The following SPAG16 variants were observed in gnomAD, a reference collection of about 807,000 sequenced individuals.
SPAG16 encodes sperm associated antigen 16.
SPAG16 carries 86 observed loss-of-function variants against 80.4 expected under a neutral mutation model. The ratio of observed to expected loss-of-function variants is 1.07; its 90% CI spans 0.90 to 1.28. SPAG16 has a LOEUF of 1.28. Ranked by LOEUF, SPAG16 falls within the 50% of genes most tolerant of loss-of-function variation. The pLI, the probability that SPAG16 is intolerant of heterozygous loss-of-function variation, is 0.00. For synonymous variants in SPAG16, 294 were observed against 265.9 expected, an observed-to-expected ratio of 1.11 and a Z score of -1.03; for missense variants, 870 against 765.3, an observed-to-expected ratio of 1.14 and a Z score of -1.61.
intron 10 of SPAG16, among the ~76,000 whole-genome samples, chr2:213,664,542 G>A (rs1447596214): frequency 2.6e-5 from 4 of 152,074 alleles, no homozygotes; most frequent in Non-Finnish European, 2.9e-5. Context: ...AGCTCTCTGA[G>A]TTTAAACAGA....
rs141804447 is a variant in SPAG16, at chr2:214,385,504, G to C, written c.1721-24636G>C. Among the ~76,000 whole-genome samples, 401 of 152,254 alleles carry C rather than the reference G, an allele frequency of 2.6e-3. 1 individual carries two copies. The highest frequency in any genetic ancestry group is 9.4e-3 in the African/African-American group (389 of 41,554). On this transcript the variant is annotated intron_variant, in intron 15 of 15. Transcript: ENST00000331683. The stretch of plus-strand genomic sequence containing the variant: ...GATCTTAACGAGTTCTTTATATAAA[G>C]ACTTGTGAGAGAATATTTTTATTTT...
chr2:213,525,960 T>C (rs2075872429), intron 10 of SPAG16, among the ~76,000 whole-genome samples: 1 of 152,134 alleles, frequency 6.6e-6, no homozygotes, highest in South Asian at 2.1e-4. Flanking sequence ...TAAAATAGCA[T>C]TCTGTTCTTA....
intron 5 of SPAG16, among the ~76,000 whole-genome samples, chr2:213,324,432 T>C (rs1480357857): frequency 6.6e-6 from 1 of 152,164 alleles, no homozygotes; most frequent in Non-Finnish European, 1.5e-5. Flanking sequence ...TCTCAGTCAT[T>C]CTCTGTCCCA....
In SPAG16 at chr2:214,175,211, A is replaced by T. The variant is rs186772681; in HGVS notation, c.1720+25945A>T. 3.7e-3 allele frequency among the ~76,000 whole-genome samples: 462 copies of T among 126,082 alleles called. 1 individual carries two copies. Among genetic ancestry groups the T allele is most frequent in the African/African-American group, 0.011 (421 of 39,480 alleles). The allele number at this position is 126,082 out of a possible 152,430, so 82.7% of individuals were successfully genotyped here. A position where few individuals can be genotyped will look rare whatever the true frequency, so the allele number is the denominator to read the frequency against. On this transcript the variant is annotated intron_variant, in intron 15 of 15. Transcript: ENST00000331683. ...GGAATAAAGAAATATATATATATAT[A>T]AAGAAATGTGTGTATATATATATAT...
intron 14 of SPAG16, among the ~76,000 whole-genome samples, chr2:214,143,094 G>C (rs1371858466): frequency 6.6e-6 from 1 of 152,104 alleles, no homozygotes; most frequent in East Asian, 1.9e-4. Context: ...ACAGCTTAGT[G>C]ACTCTAAAGC....
intron 5 of SPAG16, among the ~76,000 whole-genome samples, chr2:213,337,845 G>C (rs1275235402): frequency 6.6e-6 from 1 of 152,084 alleles, no homozygotes; most frequent in Non-Finnish European, 1.5e-5. Context: ...AGACAGGCCA[G>C]TGTTCAAATT....
chr2:214,310,352 G>A (rs576864579), intron 15 of SPAG16, among the ~76,000 whole-genome samples: 30 of 152,182 alleles, frequency 2.0e-4, no homozygotes, highest in African/African-American at 7.2e-4. Context: ...CTCAAATTCT[G>A]CTTGTTGTAG....
rs769793913 is a variant in SPAG16 at position 214,304,009 on chromosome 2, C to A, written c.1721-106131C>A. Among the ~76,000 whole-genome samples the A allele has an allele frequency of 2.1e-4, 32 of 152,166 alleles. 1 individual carries two copies. Among genetic ancestry groups the A allele is most frequent in the Non-Finnish European group, 2.8e-4 (19 of 68,026 alleles). ...TTTTTCCTGATCTTCTCTCTCCTCCCACCCTCCACCTTCCAGTAGGCCCCA... is the reference window on the plus strand; with the variant it reads ...TTTTTCCTGATCTTCTCTCTCCTCCAACCCTCCACCTTCCAGTAGGCCCCA... On this transcript the variant is annotated intron_variant, in intron 15 of 15. Transcript: ENST00000331683.
intron 11 of SPAG16, among the ~76,000 whole-genome samples, chr2:213,884,992 T>C (rs1194447468): frequency 4.6e-5 from 7 of 152,232 alleles, no homozygotes; most frequent in Admixed American, 4.6e-4. Flanking sequence ...ACTTCAGTCA[T>C]TTCCAACTGG....
intron 5 of SPAG16, among the ~76,000 whole-genome samples, chr2:213,321,664 C>T (rs981195369): frequency 6.6e-6 from 1 of 152,108 alleles, no homozygotes; most frequent in East Asian, 1.9e-4. Flanking sequence ...TTGTCATTTT[C>T]TCTGTTGTCA....
At chr2:214,001,952 G>A (rs755166063) in intron 12 of SPAG16, among the ~76,000 whole-genome samples, 7 of 152,198 alleles carry the variant, frequency 4.6e-5, no homozygotes, top group Non-Finnish European at 7.3e-5. Context: ...ACAGTTCCAT[G>A]TGTCTGAGGA....
chr2:214,258,664 G>C (rs936585579), intron 15 of SPAG16, among the ~76,000 whole-genome samples: 8 of 151,856 alleles, frequency 5.3e-5, no homozygotes, highest in African/African-American at 1.7e-4. Context: ...ATACCCAGTA[G>C]ATACCTTAAT....
intron 10 of SPAG16, among the ~76,000 whole-genome samples, chr2:213,533,936 G>T (rs904785609): frequency 1.3e-5 from 2 of 151,978 alleles, no homozygotes; most frequent in Admixed American, 1.3e-4. Flanking sequence ...GTTTTTAATT[G>T]ATGCATGATA....
intron 10 of SPAG16, among the ~76,000 whole-genome samples, chr2:213,590,530 C>T (rs566468778): frequency 6.6e-6 from 1 of 151,796 alleles, no homozygotes; most frequent in Non-Finnish European, 1.5e-5. Context: ...TATAACCAGC[C>T]AAGGAACTTA....
At position 214,349,158 on chromosome 2, in the gene SPAG16, T is replaced by G. The variant is rs1258896729; in HGVS notation, c.1721-60982T>G. Among the ~76,000 whole-genome samples, 3 of 152,288 alleles carry G rather than the reference T, an allele frequency of 2.0e-5. No individual in the cohort carries two copies. In the East Asian group the frequency reaches 5.8e-4, roughly 29 times the overall value. ...CTGCAGGGAGCAGACTCCCTGCATGTGTACATTCAAGGCCAAATAGCCAAG... is the reference window on the plus strand; with the variant it reads ...CTGCAGGGAGCAGACTCCCTGCATGGGTACATTCAAGGCCAAATAGCCAAG... On this transcript the variant is annotated intron_variant, in intron 15 of 15. Coordinates refer to ENST00000331683, the MANE Select transcript of SPAG16 (RefSeq NM_024532.5).
At chr2:213,717,268 C>A (rs1488360389) in intron 10 of SPAG16, among the ~76,000 whole-genome samples, 1 of 150,940 alleles carries the variant, frequency 6.6e-6, no homozygotes, top group Non-Finnish European at 1.5e-5. Context: ...ATGCCATTCT[C>A]CGGCCTCAGG....
chr2:213,643,074 T>A (rs1458545216), intron 10 of SPAG16, among the ~76,000 whole-genome samples: 1 of 150,132 alleles, frequency 6.7e-6, no homozygotes, highest in Non-Finnish European at 1.5e-5. Flanking sequence ...TGTATATATA[T>A]ATATATATCC....
At chr2:213,845,922 A>T (rs1275414906) in intron 10 of SPAG16, among the ~76,000 whole-genome samples, 1 of 152,198 alleles carries the variant, frequency 6.6e-6, no homozygotes, top group African/African-American at 2.4e-5. Flanking sequence ...ACAGGTAGAT[A>T]TCTTCTCATG....
intron 15 of SPAG16, among the ~76,000 whole-genome samples, chr2:214,296,485 G>T (rs186502896): frequency 4.9e-4 from 74 of 152,174 alleles, no homozygotes; most frequent in African/African-American, 1.6e-3. Flanking sequence ...TTCCATAGAG[G>T]TTTTACTAAT....
Sources: allele counts gnomAD v4.1 joint callset (sites outside exome capture counted in the v4.1 genomes callset), GRCh38; gene constraint gnomAD v4.1.1; transcripts MANE v1.5; gene names NCBI Gene and HGNC (gene_info 2026-07-23, HGNC 2026-07-21).